SPAG16: variants seen among roughly 807,000 people sequenced by gnomAD.
SPAG16 encodes sperm-associated antigen 16 protein.
In SPAG16, 86 loss-of-function variants were observed where a neutral mutation model predicts 80.4. That is an observed-to-expected ratio of 1.07 (90% CI 0.90 to 1.28). SPAG16 has a LOEUF of 1.28. SPAG16 is among the 50% of genes most tolerant of loss of function. The probability of loss-of-function intolerance (pLI) is 0.00; values close to 1 mark genes in which losing one functional copy is unlikely to be tolerated. For missense variants in SPAG16, 870 were observed against 765.3 expected (o/e 1.14, Z -1.61); for synonymous variants, 294 against 265.9 (o/e 1.11, Z -1.03).
At chr2:213,677,596 A>T (rs1369930186) in intron 10 of SPAG16, among the ~76,000 whole-genome samples, 1 of 152,282 alleles carries the variant, frequency 6.6e-6, no homozygotes, top group Admixed American at 6.5e-5. Context: ...CACCCAATAC[A>T]GGAGCACCCA....
intron 15 of SPAG16, among the ~76,000 whole-genome samples, chr2:214,258,471 G>GTGTGTGTGTATATATA: frequency 7.1e-6 from 1 of 141,444 alleles, no homozygotes; most frequent in African/African-American, 2.6e-5. Context: ...ATGTGTGTGT[G>GTGTGTGTGTATATATA]TATATATATA....
At chr2:213,728,923 A>G (rs9646759) in intron 10 of SPAG16, among the ~76,000 whole-genome samples, 61,562 of 131,346 alleles carry the variant, frequency 0.47, 16,040 homozygotes, top group Non-Finnish European at 0.57. Context: ...AAAAAAAAAG[A>G]TGATGGAATG....
chr2:213,462,221 T>A (rs1468022361), intron 9 of SPAG16, among the ~76,000 whole-genome samples: 3 of 152,172 alleles, frequency 2.0e-5, no homozygotes, highest in African/African-American at 7.2e-5. Context: ...AAATAGGGAA[T>A]TCCTACAGTC....
In SPAG16 at chr2:213,284,631, G is replaced by T. The variant is rs748486968; in HGVS notation, c.136+12G>T. The T allele has an allele frequency of 5.0e-6, 8 of 1,602,826 alleles. No homozygotes were observed. The African/African-American group carries it at 9.4e-5, about 19-fold the overall frequency. ...CTACTACCTGGAACGTATCCTTCCC[G>T]TGGAGGCGCGGCCCGCTGCGCTGGC... On this transcript the variant is annotated intron_variant, in intron 1 of 15. Transcript: ENST00000331683.
intron 15 of SPAG16, among the ~76,000 whole-genome samples, chr2:214,298,292 T>C (rs1301243542): frequency 6.6e-6 from 1 of 152,056 alleles, no homozygotes; most frequent in Non-Finnish European, 1.5e-5. Context: ...GATTTTTGTA[T>C]CCTGAAACTC....
At chr2:213,861,836 T>G (rs962421269) in intron 10 of SPAG16, among the ~76,000 whole-genome samples, 5 of 152,190 alleles carry the variant, frequency 3.3e-5, no homozygotes, top group African/African-American at 1.2e-4. Flanking sequence ...CTTTCTCATT[T>G]CCCTCTATGC....
intron 15 of SPAG16, among the ~76,000 whole-genome samples, chr2:214,217,215 T>C (rs758222800): frequency 1.3e-5 from 2 of 152,286 alleles, no homozygotes; most frequent in African/African-American, 2.4e-5. Context: ...GGGTAAAGCA[T>C]GCAATGCTTA....
intron 15 of SPAG16, among the ~76,000 whole-genome samples, chr2:214,366,383 A>G (rs1284704579): frequency 1.3e-5 from 2 of 152,202 alleles, no homozygotes; most frequent in Non-Finnish European, 2.9e-5. Context: ...CTTTTCCACT[A>G]TGGAGGAGAG....
At chr2:213,903,709 C>G (rs2077316645) in intron 11 of SPAG16, among the ~76,000 whole-genome samples, 1 of 152,200 alleles carries the variant, frequency 6.6e-6, no homozygotes, top group African/African-American at 2.4e-5. Context: ...TGGCTTGACT[C>G]TCTCCCCAGA....
At chr2:213,440,668 T>C (rs1347184936) in intron 9 of SPAG16, among the ~76,000 whole-genome samples, 2 of 152,166 alleles carry the variant, frequency 1.3e-5, no homozygotes, top group Non-Finnish European at 2.9e-5. Flanking sequence ...TACTACTGAG[T>C]AGTGATAAAA....
chr2:213,620,286 T>G (rs865882409), intron 10 of SPAG16, among the ~76,000 whole-genome samples: 57 of 117,734 alleles, frequency 4.8e-4, no homozygotes, highest in Middle Eastern at 4.0e-3. Context: ...ATTGAGTTTT[T>G]TTTTTTTTTT....
chr2:213,545,028 A>T (rs1318599698), intron 10 of SPAG16, among the ~76,000 whole-genome samples: 2 of 152,102 alleles, frequency 1.3e-5, no homozygotes, highest in Non-Finnish European at 2.9e-5. Context: ...AAGGAGAGAG[A>T]TTGCTGGATT....
chr2:214,283,700 C>T (rs562026338), intron 15 of SPAG16, among the ~76,000 whole-genome samples: 1 of 152,232 alleles, frequency 6.6e-6, no homozygotes, highest in African/African-American at 2.4e-5. Flanking sequence ...CTGATATTGG[C>T]AGAATTTTTG....
chr2:213,847,861 T>TCA (rs2074708643), intron 10 of SPAG16, among the ~76,000 whole-genome samples: 1 of 99,694 alleles, frequency 1.0e-5, no homozygotes, highest in Non-Finnish European at 2.3e-5. Flanking sequence ...TATAAACAAA[T>TCA]GACACACACA....
chr2:214,168,898 G>A (rs1286892706), intron 15 of SPAG16, among the ~76,000 whole-genome samples: 2 of 152,114 alleles, frequency 1.3e-5, no homozygotes, highest in Non-Finnish European at 2.9e-5. Flanking sequence ...TGACAAGGTA[G>A]CCTGAGCAAG....
intron 10 of SPAG16, among the ~76,000 whole-genome samples, chr2:213,519,854 T>A (rs1022089754): frequency 3.3e-5 from 5 of 152,198 alleles, no homozygotes; most frequent in Non-Finnish European, 4.4e-5. Context: ...GTTGAAGTTC[T>A]AATCCCCTGT....
intron 10 of SPAG16, among the ~76,000 whole-genome samples, chr2:213,621,563 T>C (rs1240848363): frequency 6.6e-6 from 1 of 151,846 alleles, no homozygotes; most frequent in Non-Finnish European, 1.5e-5. Flanking sequence ...TAGAGGGAGA[T>C]AGGAAAGGAA....
chr2:213,701,903 A>G (rs1477849115), intron 10 of SPAG16, among the ~76,000 whole-genome samples: 2 of 152,218 alleles, frequency 1.3e-5, no homozygotes, highest in African/African-American at 2.4e-5. Context: ...CAAGGTTTGT[A>G]AATGCACCAA....
chr2:213,519,343 C>T (rs1003413660), intron 10 of SPAG16, among the ~76,000 whole-genome samples: 6 of 152,196 alleles, frequency 3.9e-5, no homozygotes, highest in Non-Finnish European at 5.9e-5. Flanking sequence ...TTGAATTGTA[C>T]TCCCATAATT....
Sources: gnomAD v4.1 joint callset for allele counts (sites outside exome capture counted in the v4.1 genomes callset) on GRCh38, gnomAD v4.1.1 for gene constraint, MANE v1.5 for transcripts, NCBI Gene and HGNC (gene_info 2026-07-23, HGNC 2026-07-21) for gene names.